The following DMD variants were observed in gnomAD, a reference collection of about 807,000 sequenced individuals.
DMD encodes dystrophin.
DMD carries 63 observed loss-of-function variants against 330.1 expected under a neutral mutation model. That is an observed-to-expected ratio of 0.19 (90% CI 0.16 to 0.24). The LOEUF (loss-of-function observed/expected upper bound fraction) is 0.24, where lower values mean the gene tolerates loss of function less well. Among genes scored for constraint, DMD ranks in the 10% least tolerant of loss-of-function variants. DMD has a pLI of 1.00. For synonymous variants in DMD, 1,223 were observed against 959.8 expected (o/e 1.27, Z -5.07); for missense variants, 3,344 against 2,684.1 (o/e 1.25, Z -5.43).
chrX:31,362,667 G>A (rs772606961), intron 60 of DMD, among the ~76,000 whole-genome samples: 23 of 113,302 alleles, frequency 2.0e-4, no homozygotes, highest in African/African-American at 6.7e-4. Flanking sequence ...GAGTAAGGCC[G>A]GGTGCGGTGG....
At chrX:32,030,373 C>A (rs150755945) in intron 44 of DMD, among the ~76,000 whole-genome samples, 1,422 of 112,187 alleles carry the variant, frequency 0.013, 5 homozygotes, top group Non-Finnish European at 0.02. Flanking sequence ...GTTACAGCAT[C>A]AACTGTGGAA....
At chrX:32,748,035 C>A (rs2070285280) in intron 7 of DMD, among the ~76,000 whole-genome samples, 1 of 110,898 alleles carries the variant, frequency 9.0e-6, no homozygotes, top group Non-Finnish European at 1.9e-5. Context: ...CACGTATTTC[C>A]CTTTTATCCT....
rs7889101 is a variant in DMD at position 31,229,607 on chromosome X, G to A, written c.9287-6486C>T. 6.7e-3 allele frequency among the ~76,000 whole-genome samples: 746 copies of A among 111,748 alleles called. 3 individuals carry two copies. Among genetic ancestry groups the A allele is most frequent in the Middle Eastern group, 0.042 (9 of 215 alleles). On this transcript the variant is annotated intron_variant, in intron 63 of 78. Coordinates refer to ENST00000357033, the MANE Select transcript of DMD (RefSeq NM_004006.3). ...AAATTTAATCCAAATCTCCCAGGTG[G>A]TAAGTGAAAAATAAAATTTAGAGCA...
chrX:31,824,606 T>A (rs2092851380), intron 49 of DMD, among the ~76,000 whole-genome samples: 1 of 111,350 alleles, frequency 9.0e-6, no homozygotes, highest in African/African-American at 3.3e-5. Context: ...GAAACAAGAT[T>A]TATAGCACAA....
intron 41 of DMD, among the ~76,000 whole-genome samples, chrX:32,331,582 TTTC>T (rs773693066): frequency 6.6e-4 from 74 of 111,614 alleles, no homozygotes; most frequent in Non-Finnish European, 1.2e-3. Flanking sequence ...TACTATGTTT[TTTC>T]TTATGTTTAT....
At chrX:33,017,859 T>A (rs762378629) in intron 2 of DMD, among the ~76,000 whole-genome samples, 2 of 111,848 alleles carry the variant, frequency 1.8e-5, no homozygotes, top group Non-Finnish European at 3.8e-5. Context: ...CCACTTCAAC[T>A]AATCTGTGTA....
intron 55 of DMD, among the ~76,000 whole-genome samples, chrX:31,591,597 G>A (rs1016054398): frequency 1.8e-5 from 2 of 111,445 alleles, no homozygotes; most frequent in Non-Finnish European, 3.8e-5. Flanking sequence ...ATTTAGAAAT[G>A]TAATAATCTG....
intron 49 of DMD, among the ~76,000 whole-genome samples, chrX:31,832,387 A>G (rs774895815): frequency 1.4e-4 from 15 of 109,819 alleles, no homozygotes; most frequent in Non-Finnish European, 2.1e-4. Flanking sequence ...TCATTGGGAG[A>G]AAAAAAAACA....
At chrX:32,515,546 AT>A (rs958311468) in intron 18 of DMD, among the ~76,000 whole-genome samples, 55 of 110,751 alleles carry the variant, frequency 5.0e-4, no homozygotes, top group Non-Finnish European at 9.1e-4. Flanking sequence ...AAAGGAGGCT[AT>A]TTTTTTTGTT....
chrX:33,148,300 A>T (rs1569556468), intron 1 of DMD, among the ~76,000 whole-genome samples: 1 of 112,452 alleles, frequency 8.9e-6, no homozygotes, highest in Non-Finnish European at 1.9e-5. Context: ...TTTTAAATGG[A>T]GCAGATGTGC....
chrX:32,821,456 G>T (rs751793632), intron 5 of DMD, among the ~76,000 whole-genome samples: 1 of 109,144 alleles, frequency 9.2e-6, no homozygotes, highest in South Asian at 4.0e-4. Context: ...GCGTGGTGGG[G>T]GGGCGCCTGT....
intron 1 of DMD, among the ~76,000 whole-genome samples, chrX:33,185,976 A>C (rs990795178): frequency 8.9e-6 from 1 of 111,969 alleles, no homozygotes; most frequent in African/African-American, 3.2e-5. Context: ...AGAAACTCTA[A>C]GGGGATTTAG....
intron 44 of DMD, among the ~76,000 whole-genome samples, chrX:32,117,765 T>A (rs915116075): frequency 8.9e-6 from 1 of 111,741 alleles, no homozygotes; most frequent in Non-Finnish European, 1.9e-5. Flanking sequence ...GAAAGTGCCT[T>A]CGGTGGAGAA....
chrX:32,732,832 G>C (rs1450627288), intron 7 of DMD, among the ~76,000 whole-genome samples: 16 of 110,183 alleles, frequency 1.5e-4, no homozygotes, highest in Admixed American at 1.4e-3. Flanking sequence ...AGACCATTGA[G>C]ACTAGGAAGA....
chrX:33,064,670 C>T (rs2094626528), intron 1 of DMD, among the ~76,000 whole-genome samples: 1 of 111,399 alleles, frequency 9.0e-6, no homozygotes, highest in Non-Finnish European at 1.9e-5. Context: ...GGGTGGATCA[C>T]CTGAAGTCAG....
At chrX:32,563,098 T>C (rs1166331740) in intron 16 of DMD, among the ~76,000 whole-genome samples, 1 of 110,538 alleles carries the variant, frequency 9.0e-6, no homozygotes, top group East Asian at 2.8e-4. Context: ...CTCAGCACTT[T>C]GGGAGGCCGA....
chrX:32,787,079 A>T (rs772592278), intron 7 of DMD, among the ~76,000 whole-genome samples: 3 of 111,232 alleles, frequency 2.7e-5, no homozygotes, highest in Non-Finnish European at 5.7e-5. Context: ...ACCTAGTTAT[A>T]CTTTTGCAAG....
chrX:31,909,901 TTTTC>T (rs1426913187), intron 47 of DMD, among the ~76,000 whole-genome samples: 14 of 112,693 alleles, frequency 1.2e-4, no homozygotes, highest in Admixed American at 1.1e-3. Flanking sequence ...GATTTTTATT[TTTTC>T]TTTCTATTTT....
intron 7 of DMD, among the ~76,000 whole-genome samples, chrX:32,727,549 G>A (rs2067028366): frequency 9.1e-6 from 1 of 109,978 alleles, no homozygotes; most frequent in South Asian, 3.8e-4. Context: ...TCCCTTCAGT[G>A]AATAATAAAA....
Sources: gnomAD v4.1 joint callset for allele counts (sites outside exome capture counted in the v4.1 genomes callset) on GRCh38, gnomAD v4.1.1 for gene constraint, MANE v1.5 for transcripts, NCBI Gene and HGNC (gene_info 2026-07-23, HGNC 2026-07-21) for gene names.